RAB6B: variants seen among roughly 807,000 people sequenced by gnomAD.
The protein encoded by RAB6B is ras-related protein Rab-6B.
Under a neutral mutation model 31.2 loss-of-function variants are expected in RAB6B, and 7 were observed. The observed-to-expected ratio is 0.22, with a 90% CI of 0.13 to 0.42. RAB6B has a LOEUF of 0.42. RAB6B is among the 10% of genes least tolerant of loss of function. The pLI is 1.00. For synonymous variants in RAB6B, 105 were observed against 104.9 expected (o/e 1.00, Z -0.01); for missense variants, 149 against 280.6 (o/e 0.53, Z 3.35).
chr3:133,846,190 T>TA (rs1935906574), intron 2 of RAB6B, among the ~76,000 whole-genome samples: 1 of 152,248 alleles, frequency 6.6e-6, no homozygotes, highest in South Asian at 2.1e-4. Flanking sequence ...CTCATGCCTG[T>TA]AATCCTAGCA....
At chr3:133,836,165 G>T (rs575282161) in intron 6 of RAB6B, among the ~76,000 whole-genome samples, 2 of 152,336 alleles carry the variant, frequency 1.3e-5, no homozygotes, top group South Asian at 4.1e-4. Flanking sequence ...GCCCAAGGGG[G>T]GAAGCTGCTG....
intron 1 of RAB6B, among the ~76,000 whole-genome samples, chr3:133,885,935 C>T (rs188027346): frequency 2.0e-5 from 3 of 152,320 alleles, no homozygotes; most frequent in East Asian, 1.9e-4. Context: ...CCTGGATCTC[C>T]TGCCTCCAAT....
At chr3:133,840,038 T>C (rs1576394728) in intron 4 of RAB6B, among the ~76,000 whole-genome samples, 1 of 151,346 alleles carries the variant, frequency 6.6e-6, no homozygotes, top group African/African-American at 2.4e-5. Context: ...TTGGGAACAG[T>C]GAGGGTGGGC....
At chr3:133,893,764 G>A (rs1234925828) in intron 1 of RAB6B, among the ~76,000 whole-genome samples, 3 of 152,142 alleles carry the variant, frequency 2.0e-5, no homozygotes, top group African/African-American at 7.2e-5. Context: ...TCAACCCCCA[G>A]GCTGCCTGAT....
At chr3:133,830,407 A>G (rs774172907) in intron 7 of RAB6B, among the ~76,000 whole-genome samples, 7 of 152,194 alleles carry the variant, frequency 4.6e-5, no homozygotes, top group Non-Finnish European at 1.0e-4. Context: ...GCACCTGTTG[A>G]CGCTAGCTTA....
At chr3:133,829,904 CCTTT>C (rs1935630731) in intron 7 of RAB6B, among the ~76,000 whole-genome samples, 1 of 152,284 alleles carries the variant, frequency 6.6e-6, no homozygotes, top group African/African-American at 2.4e-5. Context: ...GCTTTTCCTA[CCTTT>C]ATTTTCCCCA....
intron 6 of RAB6B, among the ~76,000 whole-genome samples, chr3:133,837,058 C>T (rs1576393452): frequency 6.6e-6 from 1 of 152,092 alleles, no homozygotes; most frequent in Non-Finnish European, 1.5e-5. Context: ...CAACCACACT[C>T]CTCACCCAGA....
At chr3:133,833,881 G>T (rs2107986810) in intron 7 of RAB6B, among the ~76,000 whole-genome samples, 1 of 152,322 alleles carries the variant, frequency 6.6e-6, no homozygotes, top group East Asian at 1.9e-4. Context: ...GTTTTCATCT[G>T]ATTCTCTCAA....
chr3:133,895,290 G>A, intron 1 of RAB6B, 107 bp downstream of exon 1: 2 of 1,240,634 alleles, frequency 1.6e-6, no homozygotes, highest in Non-Finnish European at 2.3e-6. Flanking sequence ...CTCTACCCTG[G>A]CAAGGAGGGG....
chr3:133,891,924 GC>G (rs529685100), intron 1 of RAB6B, among the ~76,000 whole-genome samples: 319 of 152,302 alleles, frequency 2.1e-3, no homozygotes, highest in Non-Finnish European at 3.7e-3. Context: ...CAGTCTTCCT[GC>G]TTTTGCTGGA....
At chr3:133,880,875 T>C (rs1936457749) in intron 1 of RAB6B, among the ~76,000 whole-genome samples, 1 of 152,154 alleles carries the variant, frequency 6.6e-6, no homozygotes, top group Admixed American at 6.5e-5. Context: ...CTGCTCAGGA[T>C]TGATTCAAGA....
Position 133,825,638 on chromosome 3 carries a change from C to G in RAB6B, c.*3150G>C, listed in dbSNP as rs1315530334. 1 of 152,204 alleles carries G rather than the reference C, an allele frequency of 6.6e-6. No individual in the cohort carries two copies. The highest frequency in any genetic ancestry group is 1.5e-5 in the Non-Finnish European group (1 of 68,046). The allele number at this position is 152,204 out of a possible 1,614,324, so 9.4% of individuals were successfully genotyped here. A position where few individuals can be genotyped will look rare whatever the true frequency, so the allele number is the denominator to read the frequency against. ...CCCAGCAAGTTAGGAGTGATCAGAACCAATGTGTTTCCACTTGTAAATAGG... is the reference window on the plus strand; with the variant it reads ...CCCAGCAAGTTAGGAGTGATCAGAAGCAATGTGTTTCCACTTGTAAATAGG... On this transcript the variant is annotated 3_prime_UTR_variant, in exon 8 of 8. Coordinates refer to ENST00000285208, the MANE Select transcript of RAB6B (RefSeq NM_016577.4).
At chr3:133,844,064 T>C (rs979300360) in intron 2 of RAB6B, among the ~76,000 whole-genome samples, 1 of 152,216 alleles carries the variant, frequency 6.6e-6, no homozygotes, top group Admixed American at 6.5e-5. Context: ...CTGATAACTG[T>C]AATGATGACA....
chr3:133,884,840 T>TG (rs1936518103), intron 1 of RAB6B, among the ~76,000 whole-genome samples: 1 of 115,978 alleles, frequency 8.6e-6, no homozygotes, highest in African/African-American at 3.3e-5. Flanking sequence ...GATCAGAGGA[T>TG]GGGGGGCTCA....
rs1385336868 is a variant in RAB6B at position 133,827,141 on chromosome 3, A to T, written c.*1647T>A. 1 of 152,434 alleles carries T rather than the reference A, an allele frequency of 6.6e-6. No individual in the cohort carries two copies. The highest frequency in any genetic ancestry group is 2.4e-5 in the African/African-American group (1 of 41,460). 9.4% of individuals were successfully genotyped at this position (152,434 alleles called of 1,614,324 possible). On this transcript the variant is annotated 3_prime_UTR_variant, in exon 8 of 8. Coordinates refer to ENST00000285208, the MANE Select transcript of RAB6B (RefSeq NM_016577.4). ...GTGGCAGGCCCACTGCACAAATATC[A>T]GTCCTGCCAGATTCTGCTGCACTTA... is the stretch of plus-strand genomic sequence containing the variant.
chr3:133,855,046 G>A (rs1272568840), intron 2 of RAB6B, among the ~76,000 whole-genome samples: 3 of 152,238 alleles, frequency 2.0e-5, no homozygotes, highest in South Asian at 4.1e-4. Flanking sequence ...CCAGGGCTGG[G>A]GAAGCATCCA....
Position 133,828,697 on chromosome 3 carries a change from A to G in RAB6B, c.*91T>C, listed in dbSNP as rs1935610661. 1.1e-5 allele frequency: 14 copies of G among 1,320,726 alleles called. No homozygotes were observed. The South Asian group carries it at 1.5e-4, about 14-fold the overall frequency. 81.8% of individuals were successfully genotyped at this position (1,320,726 alleles called of 1,614,324 possible). A position where few individuals can be genotyped will look rare whatever the true frequency, so the allele number is the denominator to read the frequency against. On this transcript the variant is annotated 3_prime_UTR_variant, in exon 8 of 8. Transcript: ENST00000285208. ...AAAAGAAAAATCCTCCCATCTTGAT[A>G]ACTCGGTTCCCTCCCCCCTTAGGAA... is the stretch of plus-strand genomic sequence containing the variant.
At chr3:133,859,204 C>T (rs1175612976) in intron 2 of RAB6B, among the ~76,000 whole-genome samples, 1 of 152,142 alleles carries the variant, frequency 6.6e-6, no homozygotes, top group Non-Finnish European at 1.5e-5. Flanking sequence ...GTCTTGAATT[C>T]CTGGCCTCAA....
At chr3:133,895,299 G>A (rs1559917320) in intron 1 of RAB6B, 98 bp downstream of exon 1, 3 of 1,331,478 alleles carry the variant, frequency 2.3e-6, no homozygotes, top group African/African-American at 1.4e-5. Context: ...GGCAAGGAGG[G>A]GCCTTTCCGA....
Sources: allele counts gnomAD v4.1 joint callset (sites outside exome capture counted in the v4.1 genomes callset), GRCh38; gene constraint gnomAD v4.1.1; transcripts MANE v1.5; gene names NCBI Gene and HGNC (gene_info 2026-07-23, HGNC 2026-07-21).